The following MBD5 variants were observed in gnomAD, a reference collection of about 807,000 sequenced individuals.
MBD5 encodes the protein methyl-CpG-binding domain protein 5.
A neutral mutation model predicts 117.3 loss-of-function variants in MBD5; 13 were observed. The observed-to-expected ratio is 0.11, with a 90% confidence interval of 0.07 to 0.18. MBD5 has a LOEUF of 0.18. MBD5 is among the 10% of genes least tolerant of loss of function. MBD5 has a pLI of 1.00. For missense variants in MBD5, 1,879 were observed against 2,093.8 expected (o/e 0.90, Z 2.00); for synonymous variants, 727 against 766.4 (o/e 0.95, Z 0.85).
rs1425717961 is a variant in MBD5, at chr2:148,485,911, T to C, written c.3714T>C (p.Ala1238=). The change falls in exon 10 of 14, where the codon GCT becomes GCC. Residue 1238 remains alanine (A), a synonymous_variant. Coordinates refer to ENST00000642680, the MANE Select transcript of MBD5 (RefSeq NM_001378120.1). ...GACAGTCCACAATTCCTTGCCCAGC[T>C]AACAATAACCCCATGGCTTGTCTGT... ...FQGQSTIPCP[A]NNNPMACLFQ... is the part of the protein sequence containing the mutation. 2 of 1,614,132 alleles carry C rather than the reference T, an allele frequency of 1.2e-6. No homozygotes were observed. The highest frequency in any genetic ancestry group is 1.7e-6 in the Non-Finnish European group (2 of 1,179,970).
chr2:148,043,140 T>C (rs1694411205), intron 1 of MBD5, among the ~76,000 whole-genome samples: 1 of 151,968 alleles, frequency 6.6e-6, no homozygotes, highest in South Asian at 2.1e-4. Flanking sequence ...TATTAGAATT[T>C]CTAGGCCTGG....
At chr2:148,382,379 G>C (rs1453094671) in intron 4 of MBD5, among the ~76,000 whole-genome samples, 1 of 152,118 alleles carries the variant, frequency 6.6e-6, no homozygotes, top group African/African-American at 2.4e-5. Flanking sequence ...TAATGGTAAA[G>C]GGATCAATTC....
At chr2:148,299,065 C>G (rs898448962) in intron 3 of MBD5, among the ~76,000 whole-genome samples, 1 of 152,112 alleles carries the variant, frequency 6.6e-6, no homozygotes, top group Non-Finnish European at 1.5e-5. Context: ...TTTTTCTTCT[C>G]TAGCAGTTTC....
chr2:148,454,911 A>G (rs1706837312), intron 4 of MBD5, among the ~76,000 whole-genome samples: 2 of 152,146 alleles, frequency 1.3e-5, no homozygotes, highest in Admixed American at 6.6e-5. Context: ...GGTGTTTGAT[A>G]CAGATTGCAT....
At chr2:148,495,094 A>C (rs1460551767) in intron 11 of MBD5, among the ~76,000 whole-genome samples, 1 of 152,236 alleles carries the variant, frequency 6.6e-6, no homozygotes, top group Non-Finnish European at 1.5e-5. Context: ...AGTGACCAGG[A>C]ATAAGACCTC....
At chr2:148,326,903 C>G (rs1191684541) in intron 3 of MBD5, among the ~76,000 whole-genome samples, 2 of 148,764 alleles carry the variant, frequency 1.3e-5, no homozygotes, top group African/African-American at 2.5e-5. Context: ...TGATTTTGCT[C>G]GTTAGTTGAT....
chr2:148,199,613 G>C (rs888289306), intron 2 of MBD5, among the ~76,000 whole-genome samples: 3 of 151,912 alleles, frequency 2.0e-5, no homozygotes, highest in African/African-American at 7.3e-5. Context: ...ACAAAAAATA[G>C]CTTGGCATTG....
intron 11 of MBD5, 76 bp downstream of exon 11, chr2:148,490,670 T>C (rs528864332): frequency 6.5e-7 from 1 of 1,548,904 alleles, no homozygotes; most frequent in South Asian, 1.1e-5. Context: ...TATCATCACT[T>C]TGGATTCTTT....
chr2:148,330,120 C>CACACACACACACACACACA, intron 3 of MBD5, among the ~76,000 whole-genome samples: 1 of 145,400 alleles, frequency 6.9e-6, no homozygotes, highest in Non-Finnish European at 1.5e-5. Flanking sequence ...CACACACACT[C>CACACACACACACACACACA]TACCTTAGGC....
At chr2:148,359,488 A>AT (rs1703474265) in intron 4 of MBD5, among the ~76,000 whole-genome samples, 1 of 152,128 alleles carries the variant, frequency 6.6e-6, no homozygotes, top group Non-Finnish European at 1.5e-5. Context: ...CTATATGAAA[A>AT]TTTTGGTCCT....
chr2:148,122,877 T>G (rs1362048118), intron 1 of MBD5, among the ~76,000 whole-genome samples: 2 of 152,200 alleles, frequency 1.3e-5, no homozygotes, highest in Non-Finnish European at 2.9e-5. Flanking sequence ...CAAAGCTACA[T>G]TTTATTTTAC....
At chr2:148,058,808 G>T (rs1234426) in intron 1 of MBD5, among the ~76,000 whole-genome samples, 12,739 of 152,158 alleles carry the variant, frequency 0.084, 605 homozygotes, top group South Asian at 0.14. Context: ...AAGTATGCTT[G>T]AATTACTAAT....
At chr2:148,157,278 C>G (rs555247062) in intron 1 of MBD5, among the ~76,000 whole-genome samples, 62 of 152,024 alleles carry the variant, frequency 4.1e-4, no homozygotes, top group African/African-American at 1.4e-3. Flanking sequence ...CTAATGCTCT[C>G]CCTCCCCTAG....
intron 4 of MBD5, among the ~76,000 whole-genome samples, chr2:148,414,084 A>G (rs943448310): frequency 2.0e-5 from 3 of 151,990 alleles, no homozygotes; most frequent in Non-Finnish European, 2.9e-5. Flanking sequence ...GATCTTCCTC[A>G]CTTTTTGATG....
intron 2 of MBD5, among the ~76,000 whole-genome samples, chr2:148,210,659 A>G (rs1416198598): frequency 6.6e-6 from 1 of 152,028 alleles, no homozygotes; most frequent in Non-Finnish European, 1.5e-5. Context: ...ATCAAAGTTT[A>G]CCCATTTATT....
Position 148,508,094 on chromosome 2 carries a change from C to A in MBD5, c.5037-1966C>A, listed in dbSNP as rs538196401. Among the ~76,000 whole-genome samples, 11 of 152,210 alleles carry A rather than the reference C, an allele frequency of 7.2e-5. No individual in the cohort carries two copies. In the East Asian group the frequency reaches 2.1e-3, roughly 29 times the overall value. On this transcript the variant is annotated intron_variant, in intron 12 of 13. Coordinates refer to ENST00000642680, the MANE Select transcript of MBD5 (RefSeq NM_001378120.1). ...GTGGCAATGATAATACTGTCAGAAC[C>A]CTTGCCAAGCAGCCTGCAAAAGGGG...
intron 2 of MBD5, among the ~76,000 whole-genome samples, chr2:148,186,920 T>C (rs1414378755): frequency 6.6e-6 from 1 of 152,140 alleles, no homozygotes; most frequent in Non-Finnish European, 1.5e-5. Flanking sequence ...AGTAAAACAT[T>C]AAAACAATGA....
At position 148,021,678 on chromosome 2, in the gene MBD5, A is replaced by G. The variant is rs1389225221; in HGVS notation, c.-931A>G. 2 of 381,018 alleles carry G rather than the reference A, an allele frequency of 5.2e-6. No individual in the cohort carries two copies. The highest frequency in any genetic ancestry group is 1.0e-5 in the Non-Finnish European group (2 of 192,884). 23.6% of individuals were successfully genotyped at this position (381,018 alleles called of 1,614,324 possible). On this transcript the variant is annotated 5_prime_UTR_variant, in exon 1 of 14. Coordinates refer to ENST00000642680, the MANE Select transcript of MBD5 (RefSeq NM_001378120.1). The stretch of plus-strand genomic sequence containing the variant: ...GGGAAGGCACTCAAAAGTGGGGGGC[A>G]GGAAAGGTAAGTGTGTCTGTGGGGG...
At chr2:148,225,885 T>C (rs1558980167) in intron 2 of MBD5, among the ~76,000 whole-genome samples, 1 of 152,184 alleles carries the variant, frequency 6.6e-6, no homozygotes, top group Non-Finnish European at 1.5e-5. Flanking sequence ...CCTTTCTTTA[T>C]CCTTGACCTT....
Sources: allele counts gnomAD v4.1 joint callset (sites outside exome capture counted in the v4.1 genomes callset), GRCh38; gene constraint gnomAD v4.1.1; transcripts MANE v1.5; gene names NCBI Gene and HGNC (gene_info 2026-07-23, HGNC 2026-07-21).